VPS13D: variants seen among roughly 807,000 people sequenced by gnomAD.
VPS13D encodes vacuolar protein sorting 13 homolog D.
Under a neutral mutation model 461.9 loss-of-function variants are expected in VPS13D, and 187 were observed. That is an observed-to-expected ratio of 0.40 (90% CI 0.36 to 0.46). The LOEUF is 0.46. Ranked by LOEUF, VPS13D falls within the 20% of genes least tolerant of loss-of-function variation. VPS13D has a pLI of 0.60. For synonymous variants in VPS13D, 1,951 were observed against 1,986.3 expected, an observed-to-expected ratio of 0.98 and a Z score of 0.47; for missense variants, 4,711 against 5,364.9, an observed-to-expected ratio of 0.88 and a Z score of 3.81.
intron 60 of VPS13D, among the ~76,000 whole-genome samples, chr1:12,396,674 C>T (rs1644503420): frequency 6.6e-6 from 1 of 152,176 alleles, no homozygotes; most frequent in African/African-American, 2.4e-5. Flanking sequence ...TCTCCCTTAA[C>T]ATGTCATGCG....
At chr1:12,437,221 A>G (rs1645074005) in intron 65 of VPS13D, among the ~76,000 whole-genome samples, 1 of 152,186 alleles carries the variant, frequency 6.6e-6, no homozygotes, top group South Asian at 2.1e-4. Flanking sequence ...CAAAGTCATG[A>G]ACTGCCTCCA....
intron 65 of VPS13D, among the ~76,000 whole-genome samples, chr1:12,421,885 A>G (rs972449741): frequency 6.6e-6 from 1 of 152,062 alleles, no homozygotes; most frequent in Non-Finnish European, 1.5e-5. Flanking sequence ...CAGTGGTGCA[A>G]TCTCGGCTCA....
rs201064307 is a variant in VPS13D at position 12,405,958 on chromosome 1, GC to G, written c.12030+1993del. ...ATTTTCTGCAGTTGAAGTAGCTCCA[GC>G]CCCCCCCAGTTACATGATGGTTGTG... is the stretch of plus-strand genomic sequence containing the variant. On this transcript the variant is annotated intron_variant, in intron 63 of 69. Transcript: ENST00000620676. Among the ~76,000 whole-genome samples, 3 of 151,886 alleles carry G rather than the reference GC, an allele frequency of 2.0e-5. 1 individual carries two copies. The highest frequency in any genetic ancestry group is 7.2e-5 in the African/African-American group (3 of 41,422).
chr1:12,454,105 C>T (rs990156955), intron 65 of VPS13D, among the ~76,000 whole-genome samples: 5 of 152,164 alleles, frequency 3.3e-5, no homozygotes, highest in South Asian at 2.1e-4. Context: ...ACCAGGCCCC[C>T]GAGCCATTGT....
chr1:12,319,370 T>G, intron 31 of VPS13D, 127 bp from the exon 32 acceptor site: 2 of 1,347,496 alleles, frequency 1.5e-6, no homozygotes, highest in Non-Finnish European at 2.1e-6. Context: ...TCAGCAGACA[T>G]TTTGGAGAAA....
chr1:12,475,768 A>G (rs1005397780), intron 67 of VPS13D, among the ~76,000 whole-genome samples: 2 of 152,232 alleles, frequency 1.3e-5, no homozygotes, highest in African/African-American at 4.8e-5. Context: ...TCAGGACAGC[A>G]TACATCAAAT....
At chr1:12,244,705 C>T (rs1223092238) in intron 5 of VPS13D, 88 bp downstream of exon 5, 13 of 1,286,132 alleles carry the variant, frequency 1.0e-5, no homozygotes, top group Admixed American at 3.9e-5. Context: ...TCTCATTTCT[C>T]GTGGGCTCAG....
chr1:12,348,741 G>GTAA (rs1643731785), intron 44 of VPS13D, 82 bp from the exon 45 acceptor site: 2 of 1,520,142 alleles, frequency 1.3e-6, no homozygotes, highest in Non-Finnish European at 1.8e-6. Context: ...ACACTTTTAA[G>GTAA]GTAGACATTC....
chr1:12,310,704 T>C lies in VPS13D; in HGVS notation c.6651-750T>C, dbSNP rs1292822883. Among the ~76,000 whole-genome samples the C allele has an allele frequency of 2.0e-5, 3 of 152,146 alleles. No homozygotes were observed. In the East Asian group the frequency reaches 5.8e-4, roughly 29 times the overall value. ...TAAGCTCTTTGTGAGTCTCATGAGGTTTTCCTTATTAATAGATTAGTTACC... is the reference window on the plus strand; with the variant it reads ...TAAGCTCTTTGTGAGTCTCATGAGGCTTTCCTTATTAATAGATTAGTTACC... On this transcript the variant is annotated intron_variant, in intron 27 of 69. Transcript: ENST00000620676.
rs542539552 is a variant in VPS13D, at chr1:12,402,352, G to A, written c.11881+648G>A. Among the ~76,000 whole-genome samples, 4 of 152,230 alleles carry A rather than the reference G, an allele frequency of 2.6e-5. No individual in the cohort carries two copies. In the East Asian group the frequency reaches 5.8e-4, roughly 22 times the overall value. ...CAGCCTTTCCTTCCGCTCTTAGATGGGCTTTTCATGGCTGTGTATACAGCT... is the reference window on the plus strand; with the variant it reads ...CAGCCTTTCCTTCCGCTCTTAGATGAGCTTTTCATGGCTGTGTATACAGCT... On this transcript the variant is annotated intron_variant, in intron 62 of 69. Coordinates refer to ENST00000620676, the MANE Select transcript of VPS13D (RefSeq NM_015378.4).
rs1352840175 is a variant in VPS13D at position 12,314,276 on chromosome 1, C to A, written c.7097C>A (p.Ala2366Asp). ...TNVFSCIFQP[A>D]KNSSTTQGSI... ...GTGTTCAGCTGTATCTTTCAGCCCG[C>A]TAAGAACAGCAGCACCACCCAAGGG... is the stretch of plus-strand genomic sequence containing the variant. The change falls in exon 30 of 70, where the codon GCT becomes GAT. Residue 2366 changes from alanine to aspartate, a missense_variant. This residue lies in a region of VPS13D where 4,411 missense variants were observed against 4,937.8 expected (regional missense o/e 0.89). Transcript: ENST00000620676. The A allele has an allele frequency of 6.2e-7, 1 of 1,614,182 alleles. No homozygotes were observed. Among genetic ancestry groups the A allele is most frequent in the Admixed American group, 1.7e-5 (1 of 60,026 alleles).
intron 46 of VPS13D, among the ~76,000 whole-genome samples, chr1:12,353,426 G>A (rs925547644): frequency 2.6e-5 from 4 of 151,180 alleles, no homozygotes; most frequent in Non-Finnish European, 4.4e-5. Flanking sequence ...CCAGCTACTC[G>A]GAAGGCTGAG....
intron 49 of VPS13D, among the ~76,000 whole-genome samples, chr1:12,357,725 G>T (rs953023823): frequency 1.3e-5 from 2 of 152,138 alleles, no homozygotes; most frequent in African/African-American, 2.4e-5. Flanking sequence ...ATAGTATCAG[G>T]CCGGCTGGGT....
At chr1:12,386,645 T>C (rs1435297922) in intron 60 of VPS13D, among the ~76,000 whole-genome samples, 1 of 152,086 alleles carries the variant, frequency 6.6e-6, no homozygotes, top group Non-Finnish European at 1.5e-5. Flanking sequence ...GGGATTGAGG[T>C]CTGTCATAGG....
In VPS13D at chr1:12,329,846, C is replaced by T. The variant is rs775187699; in HGVS notation, c.8215C>T (p.Arg2739Cys). ...LTFSRLNFLQ[R>C]VRTSPEGYAH... ...CATTGCAGGTCTGAATTTTCTTCAGCGTGTAAGAACTAGCCCTGAAGGCTA... is the reference window on the plus strand; with the variant it reads ...CATTGCAGGTCTGAATTTTCTTCAGTGTGTAAGAACTAGCCCTGAAGGCTA... Residue 2739 changes from arginine to cysteine, a missense_variant, in exon 37 of 70, where the codon CGT becomes TGT. By Grantham distance (180) the Arg-to-Cys change is radical (BLOSUM62 -3). This residue lies in a region of VPS13D where 4,411 missense variants were observed against 4,937.8 expected (regional missense o/e 0.89). Coordinates refer to ENST00000620676, the MANE Select transcript of VPS13D (RefSeq NM_015378.4). 7.4e-6 allele frequency: 12 copies of T among 1,614,032 alleles called. No individual in the cohort carries two copies. The highest frequency in any genetic ancestry group is 1.6e-4 in the Middle Eastern group (1 of 6,062).
At chr1:12,388,883 A>G (rs1200312946) in intron 60 of VPS13D, among the ~76,000 whole-genome samples, 1 of 152,236 alleles carries the variant, frequency 6.6e-6, no homozygotes, top group African/African-American at 2.4e-5. Flanking sequence ...GACCCTTGTC[A>G]TAGGAAATGA....
intron 26 of VPS13D, among the ~76,000 whole-genome samples, chr1:12,308,001 G>A (rs1642616143): frequency 6.6e-6 from 1 of 152,170 alleles, no homozygotes; most frequent in African/African-American, 2.4e-5. Context: ...AGTGGAAATG[G>A]ACGTGGTTAC....
chr1:12,483,782 G>A (rs190787832), intron 67 of VPS13D, among the ~76,000 whole-genome samples: 4 of 151,816 alleles, frequency 2.6e-5, no homozygotes, highest in East Asian at 3.9e-4. Flanking sequence ...GGCGGATCAC[G>A]AGGTCAGGAG....
At chr1:12,400,523 C>T (rs1489330760) in intron 61 of VPS13D, among the ~76,000 whole-genome samples, 193 bp downstream of exon 61, 1 of 152,154 alleles carries the variant, frequency 6.6e-6, no homozygotes, top group Non-Finnish European at 1.5e-5. Flanking sequence ...TTTCAGTGAC[C>T]TTGCAGGTGA....
Sources: gnomAD v4.1 joint callset for allele counts (sites outside exome capture counted in the v4.1 genomes callset) on GRCh38, gnomAD v4.1.1 for gene constraint, gnomAD v4.1.1 regional missense constraint, MANE v1.5 for transcripts, NCBI Gene and HGNC (gene_info 2026-07-23, HGNC 2026-07-21) for gene names.